Variants in AVIL observed in about 807,000 individuals in gnomAD.
AVIL encodes advillin.
In AVIL, 78 loss-of-function variants were observed where a neutral mutation model predicts 109.9. The observed-to-expected ratio is 0.71, with a 90% CI of 0.59 to 0.86. The LOEUF (loss-of-function observed/expected upper bound fraction) is 0.86, where lower values mean the gene tolerates loss of function less well. AVIL is among the 40% of genes least tolerant of loss of function. The pLI is 0.00. For missense variants in AVIL, 892 were observed against 1,016.5 expected (o/e 0.88, Z 1.67); for synonymous variants, 367 against 379.1 (o/e 0.97, Z 0.37).
At chr12:57,806,585 A>C in intron 13 of AVIL, 46 bp from the exon 14 acceptor site, 2 of 1,596,606 alleles carry the variant, frequency 1.3e-6, no homozygotes, top group Admixed American at 1.7e-5. Flanking sequence ...GCACCATGTG[A>C]GCAGAGTGCT....
intron 13 of AVIL, 143 bp downstream of exon 13, chr12:57,807,188 A>T: frequency 1.6e-6 from 2 of 1,223,784 alleles, no homozygotes; most frequent in Non-Finnish European, 2.3e-6. Context: ...TGACTGTCTT[A>T]GAGGGATTAA....
At chr12:57,812,149 T>A (rs1310728521) in intron 4 of AVIL, among the ~76,000 whole-genome samples, 1 of 152,168 alleles carries the variant, frequency 6.6e-6, no homozygotes, top group Non-Finnish European at 1.5e-5. Context: ...CCTCAGCCCA[T>A]GGAGTAGCTA....
chr12:57,797,805 G>T lies in AVIL; in HGVS notation c.*77C>A. 2.6e-6 allele frequency: 3 copies of T among 1,147,572 alleles called. No homozygotes were observed. The highest frequency in any genetic ancestry group is 3.6e-6 in the Non-Finnish European group (3 of 836,288). The allele number at this position is 1,147,572 out of a possible 1,614,324, so 71.1% of individuals were successfully genotyped here. A position where few individuals can be genotyped will look rare whatever the true frequency, so the allele number is the denominator to read the frequency against. Reference sequence around the variant, plus strand: ...AGTAGCTGAATGTCAGGCAGAAATTGGTGGATAAATTATTTCCTGATATTG... The same window carrying T: ...AGTAGCTGAATGTCAGGCAGAAATTTGTGGATAAATTATTTCCTGATATTG... On this transcript the variant is annotated 3_prime_UTR_variant, in exon 20 of 20. Transcript: ENST00000549994.
intron 4 of AVIL, among the ~76,000 whole-genome samples, chr12:57,812,256 A>G (rs1290999442): frequency 6.6e-6 from 1 of 151,168 alleles, no homozygotes; most frequent in Non-Finnish European, 1.5e-5. Flanking sequence ...CTGATCTTGA[A>G]CTCTTGGGCT....
chr12:57,813,291 G>GC lies in AVIL; in HGVS notation c.273dup (p.Gln92AlafsTer9). ...TCATGGTACTGGACCTCTCGGTGCT[G>GC]CACAGGGCTGCCTCCCAGGTAGTCG... On this transcript the variant is annotated frameshift_variant, in exon 4 of 20. Coordinates refer to ENST00000549994, the MANE Select transcript of AVIL (RefSeq NM_006576.4). LOFTEE classifies it high-confidence loss of function. 1 of 1,614,056 alleles carries GC rather than the reference G, an allele frequency of 6.2e-7. No homozygotes were observed.
intron 13 of AVIL, 75 bp downstream of exon 13, chr12:57,807,256 C>T: frequency 6.2e-7 from 1 of 1,600,738 alleles, no homozygotes; most frequent in Non-Finnish European, 8.5e-7. Context: ...CTCCTCTGCT[C>T]TCCAATAGTC....
At chr12:57,811,708 G>A (rs1956040494) in intron 4 of AVIL, among the ~76,000 whole-genome samples, 2 of 152,242 alleles carry the variant, frequency 1.3e-5, no homozygotes, top group Admixed American at 1.3e-4. Flanking sequence ...TCTGTGCCCA[G>A]AAGGGCCTCA....
chr12:57,812,408 C>T (rs912926500), intron 4 of AVIL, among the ~76,000 whole-genome samples: 4 of 151,992 alleles, frequency 2.6e-5, no homozygotes, highest in African/African-American at 9.7e-5. Context: ...TGTTGCGGGG[C>T]TGGAGGGCAG....
intron 14 of AVIL, 100 bp from the exon 15 acceptor site, chr12:57,803,769 A>C: frequency 6.8e-7 from 1 of 1,472,088 alleles, no homozygotes; most frequent in Non-Finnish European, 9.2e-7. Flanking sequence ...TGCCAGGATC[A>C]GCTACCAAAC....
Position 57,797,531 on chromosome 12 carries a change from AAGGT to A in AVIL, c.*347_*350del, listed in dbSNP as rs1450836630. 1.1e-6 allele frequency: 1 copy of A among 949,006 alleles called. No individual in the cohort carries two copies. Among genetic ancestry groups the A allele is most frequent in the Non-Finnish European group, 1.3e-6 (1 of 796,516 alleles). 58.8% of individuals were successfully genotyped at this position (949,006 alleles called of 1,614,324 possible). Reference sequence around the variant, plus strand: ...AATAATCATCTTAAAATTGAAAACAAAGGTAGGTCCTGGTATAATATTAAACATA... The same window carrying A: ...AATAATCATCTTAAAATTGAAAACAAAGGTCCTGGTATAATATTAAACATA... On this transcript the variant is annotated 3_prime_UTR_variant, in exon 20 of 20. Coordinates refer to ENST00000549994, the MANE Select transcript of AVIL (RefSeq NM_006576.4).
chr12:57,806,678 G>T, intron 13 of AVIL, 139 bp from the exon 14 acceptor site: 1 of 902,122 alleles, frequency 1.1e-6, no homozygotes. Context: ...AAAGGGTCAG[G>T]GTAAGCTGGA....
rs1955864269 is a variant in AVIL, at chr12:57,802,265, G to T, written c.2046C>A (p.His682Gln). ...LATAQQYLHT[H>Q]PSGRDPDTPI... is the part of the protein sequence containing the mutation. ...GTGTGTCGGGATCTCGGCCGCTGGG[G>T]TGAGTGTGCAGGTACTGCTGTGCTG... is the stretch of plus-strand genomic sequence containing the variant. Residue 682 changes from histidine (H) to glutamine (Q), a missense_variant, in exon 17 of 20, where the codon CAC (histidine) becomes CAA (glutamine). Coordinates refer to ENST00000549994, the MANE Select transcript of AVIL (RefSeq NM_006576.4). The T allele has an allele frequency of 6.2e-7, 1 of 1,614,030 alleles. No homozygotes were observed. Among genetic ancestry groups the T allele is most frequent in the South Asian group, 1.1e-5 (1 of 91,066 alleles).
chr12:57,815,094 A>C (rs982395533), intron 2 of AVIL, among the ~76,000 whole-genome samples: 2 of 152,064 alleles, frequency 1.3e-5, no homozygotes, highest in African/African-American at 4.8e-5. Flanking sequence ...CTGGGACTAT[A>C]GGCGCCTGCC....
At chr12:57,808,120 T>G in intron 11 of AVIL, 74 bp downstream of exon 11, 1 of 1,516,664 alleles carries the variant, frequency 6.6e-7, no homozygotes, top group Admixed American at 1.7e-5. Flanking sequence ...CAGAATCACC[T>G]GCACCCCTGC....
chr12:57,814,479 C>T lies in AVIL; in HGVS notation c.67-253G>A, dbSNP rs1956076996. On this transcript the variant is annotated intron_variant, in intron 2 of 19. Coordinates refer to ENST00000549994, the MANE Select transcript of AVIL (RefSeq NM_006576.4). ...CTGCTTTCCCTTGCCCTATTCTCCACTCTACTTCCCACCCGATCTCATCTC... is the reference window on the plus strand; with the variant it reads ...CTGCTTTCCCTTGCCCTATTCTCCATTCTACTTCCCACCCGATCTCATCTC... 6 of 470,152 alleles carry T rather than the reference C, an allele frequency of 1.3e-5. No homozygotes were observed. In the South Asian group the frequency reaches 1.5e-4, roughly 12 times the overall value. 29.1% of individuals were successfully genotyped at this position (470,152 alleles called of 1,614,324 possible).
Position 57,803,562 on chromosome 12 carries a change from G to T in AVIL, c.1779C>A (p.Asp593Glu). 1.9e-6 allele frequency: 3 copies of T among 1,614,164 alleles called. No homozygotes were observed. Among genetic ancestry groups the T allele is most frequent in the Non-Finnish European group, 2.5e-6 (3 of 1,180,030 alleles). The stretch of plus-strand genomic sequence containing the variant: ...CATAGGGAGTTTTCCCTCCCAGTAG[G>T]TCCCAGAACTCGGCTGGCTCCTGGC... ...AEGQEPAEFW[D>E]LLGGKTPYAN... The change falls in exon 15 of 20, where the codon GAC (aspartate) becomes GAA (glutamate). Residue 593 changes from aspartate to glutamate, a missense_variant. Physicochemically the swap from Asp to Glu is conservative, Grantham distance 45 (BLOSUM62 2). Coordinates refer to ENST00000549994, the MANE Select transcript of AVIL (RefSeq NM_006576.4).
intron 6 of AVIL, 49 bp downstream of exon 6, chr12:57,810,767 G>T (rs757824627): frequency 6.4e-7 from 1 of 1,574,126 alleles, no homozygotes; most frequent in Admixed American, 1.7e-5. Context: ...CAGCATGGAG[G>T]GAAGAAGAAA....
At chr12:57,807,270 T>C (rs1394705886) in intron 13 of AVIL, 61 bp downstream of exon 13, 2 of 1,609,338 alleles carry the variant, frequency 1.2e-6, no homozygotes, top group Admixed American at 3.3e-5. Context: ...AATAGTCCTG[T>C]GCTGGTTTGT....
intron 14 of AVIL, among the ~76,000 whole-genome samples, chr12:57,804,693 C>T (rs1206296194): frequency 2.6e-5 from 4 of 151,954 alleles, no homozygotes; most frequent in African/African-American, 9.7e-5. Flanking sequence ...CCTGTAATCC[C>T]AGCTACTTGG....
Sources: allele counts gnomAD v4.1 joint callset (sites outside exome capture counted in the v4.1 genomes callset), GRCh38; gene constraint gnomAD v4.1.1; transcripts MANE v1.5; gene names NCBI Gene and HGNC (gene_info 2026-07-23, HGNC 2026-07-21).